The following METRNL variants were observed in gnomAD, a reference collection of about 807,000 sequenced individuals.
METRNL encodes meteorin-like protein.
METRNL carries 9 observed loss-of-function variants against 17.4 expected under a neutral mutation model. The observed-to-expected ratio is 0.52, with a 90% CI of 0.31 to 0.90. The LOEUF is 0.90. Ranked by LOEUF, METRNL falls within the 40% of genes least tolerant of loss-of-function variation. The probability of loss-of-function intolerance (pLI) is 0.05; values close to 1 mark genes in which losing one functional copy is unlikely to be tolerated. For synonymous variants in METRNL, 215 were observed against 199.3 expected (o/e 1.08, Z -0.66); for missense variants, 408 against 430.7 (o/e 0.95, Z 0.47).
chr17:83,091,252 G>A (rs532769927), intron 2 of METRNL, among the ~76,000 whole-genome samples: 32 of 142,168 alleles, frequency 2.3e-4, no homozygotes, highest in South Asian at 2.0e-3. Context: ...GCCTCGAGGC[G>A]CTCAGCAGGC....
Position 83,094,952 on chromosome 17 carries a change from GCA to G in METRNL, c.*380_*381del, listed in dbSNP as rs2038186711. 4.4e-6 allele frequency: 1 copy of G among 228,566 alleles called. No homozygotes were observed. Among genetic ancestry groups the G allele is most frequent in the African/African-American group, 2.3e-5 (1 of 44,370 alleles). 14.2% of individuals were successfully genotyped at this position (228,566 alleles called of 1,614,324 possible). ...GGTTGGGTGAAGCACTGGCCGTTGG[GCA>G]CAGTGGATGTGTGAAAAGGTGCCAT... On this transcript the variant is annotated 3_prime_UTR_variant, in exon 4 of 4. Transcript: ENST00000320095.
chr17:83,083,850 A>G (rs975966705), intron 1 of METRNL, among the ~76,000 whole-genome samples: 7 of 152,228 alleles, frequency 4.6e-5, no homozygotes, highest in Admixed American at 2.6e-4. Context: ...TAAAAATCCT[A>G]AGAATGTGGG....
chr17:83,087,090 G>A (rs879264383), intron 2 of METRNL, among the ~76,000 whole-genome samples: 3 of 152,122 alleles, frequency 2.0e-5, no homozygotes, highest in Non-Finnish European at 4.4e-5. Flanking sequence ...GGCATTCGGC[G>A]GTGGGTCCTC....
intron 1 of METRNL, chr17:83,082,055 G>A (rs2037996018): frequency 1.0e-6 from 1 of 985,020 alleles, no homozygotes; most frequent in African/African-American, 1.7e-5. Context: ...TCTGTTGCTG[G>A]GTGTTTCTTC....
chr17:83,091,713 C>T (rs1036236570), intron 2 of METRNL, among the ~76,000 whole-genome samples: 8 of 152,314 alleles, frequency 5.3e-5, no homozygotes, highest in Admixed American at 2.0e-4. Context: ...CTTCCAGGGC[C>T]GGCGAACCCC....
At chr17:83,082,351 A>G in intron 1 of METRNL, 1 of 661,710 alleles carries the variant, frequency 1.5e-6, no homozygotes, top group Non-Finnish European at 1.9e-6. Flanking sequence ...TGCCTCAACA[A>G]CCCTCCAGTG....
chr17:83,094,426 C>A lies in METRNL; in HGVS notation c.787C>A (p.Arg263=), dbSNP rs775875720. Residue 263 remains arginine, a synonymous_variant, in exon 4 of 4, where the codon CGG becomes AGG. Coordinates refer to ENST00000320095, the MANE Select transcript of METRNL (RefSeq NM_001004431.3). ...CAGGACGCTGCTGGAGTGTGGCGTG[C>A]GGCCGGGGCATGGCGACTTCCTCTT... ...RVRTLLECGV[R]PGHGDFLFTG... is the part of the protein sequence containing the mutation. The A allele has an allele frequency of 6.3e-7, 1 of 1,599,250 alleles. No individual in the cohort carries two copies. The highest frequency in any genetic ancestry group is 8.5e-7 in the Non-Finnish European group (1 of 1,169,756).
At chr17:83,088,764 G>A (rs567688459) in intron 2 of METRNL, among the ~76,000 whole-genome samples, 35 of 152,202 alleles carry the variant, frequency 2.3e-4, no homozygotes, top group Admixed American at 5.9e-4. Context: ...CCAGCTCGGC[G>A]GGCGCAGAGC....
At chr17:83,087,776 C>T (rs1009937465) in intron 2 of METRNL, among the ~76,000 whole-genome samples, 5 of 152,092 alleles carry the variant, frequency 3.3e-5, no homozygotes, top group African/African-American at 9.7e-5. Context: ...CCAGCCCCGC[C>T]GAGCCTGAGG....
chr17:83,092,130 G>T (rs544675605), intron 2 of METRNL, among the ~76,000 whole-genome samples: 3 of 152,208 alleles, frequency 2.0e-5, no homozygotes, highest in Non-Finnish European at 2.9e-5. Context: ...GCCAGGCCCC[G>T]CAGGGTTCAG....
At chr17:83,089,845 C>A (rs7207886) in intron 2 of METRNL, among the ~76,000 whole-genome samples, 1 of 151,920 alleles carries the variant, frequency 6.6e-6, no homozygotes, top group Non-Finnish European at 1.5e-5. Flanking sequence ...GTGCTCCTTA[C>A]GAGCTCAGCT....
intron 1 of METRNL, among the ~76,000 whole-genome samples, chr17:83,083,153 C>A: frequency 6.6e-6 from 1 of 152,240 alleles, no homozygotes; most frequent in East Asian, 1.9e-4. Context: ...TAGGCCAGGA[C>A]GGCCCCCAGG....
intron 2 of METRNL, among the ~76,000 whole-genome samples, chr17:83,087,587 T>C (rs576500192): frequency 6.6e-6 from 1 of 152,320 alleles, no homozygotes; most frequent in South Asian, 2.1e-4. Flanking sequence ...AAGCCTTTAA[T>C]GCTGCAGGAA....
At chr17:83,094,188 G>GA in intron 3 of METRNL, 68 bp from the exon 4 acceptor site, 2 of 1,318,934 alleles carry the variant, frequency 1.5e-6, no homozygotes, top group Non-Finnish European at 2.1e-6. Context: ...GGGGCAGGGG[G>GA]AGGTGCGGTG....
At chr17:83,081,738 G>T (rs2143610109) in intron 1 of METRNL, among the ~76,000 whole-genome samples, 1 of 152,334 alleles carries the variant, frequency 6.6e-6, no homozygotes, top group African/African-American at 2.4e-5. Flanking sequence ...AGCTGTGGGG[G>T]CTGCTGGAGC....
Position 83,085,193 on chromosome 17 carries a change from G to T in METRNL, c.426G>T (p.Gln142His), listed in dbSNP as rs546723443. The T allele has an allele frequency of 6.2e-7, 1 of 1,611,108 alleles. No individual in the cohort carries two copies. Among genetic ancestry groups the T allele is most frequent in the Admixed American group, 1.7e-5 (1 of 59,860 alleles). ...GGGACGGCAGGCCCGGCCGGGTGCA[G>T]TGTTTTGGCCTGGAGCAGGGCGGCC... ...PDGDGRPGRV[Q>H]CFGLEQGGLF... The change falls in exon 2 of 4, where the codon CAG (glutamine) becomes CAT (histidine). Residue 142 changes from glutamine to histidine, a missense_variant. Gln to His is a conservative substitution (Grantham distance 24). Coordinates refer to ENST00000320095, the MANE Select transcript of METRNL (RefSeq NM_001004431.3).
At chr17:83,092,284 C>A (rs2038147608) in intron 2 of METRNL, 1 of 152,324 alleles carries the variant, frequency 6.6e-6, no homozygotes, top group Non-Finnish European at 1.5e-5. Flanking sequence ...GGTGAGGCCC[C>A]ACGCCGGTGG....
chr17:83,084,790 G>C, intron 1 of METRNL, 148 bp from the exon 2 acceptor site: 1 of 986,458 alleles, frequency 1.0e-6, no homozygotes, highest in Non-Finnish European at 1.5e-6. Flanking sequence ...CACGGGCAGG[G>C]GTCCGTGTGG....
rs1399793094 is a variant in METRNL, at chr17:83,079,735, G to C, written c.-81G>C. ...ACCACCCGGACTCGAAGCCCGCCCC[G>C]CCCCCGCCCGGCTCGCCGGCTCCGG... On this transcript the variant is annotated 5_prime_UTR_variant, in exon 1 of 4. Coordinates refer to ENST00000320095, the MANE Select transcript of METRNL (RefSeq NM_001004431.3). The C allele has an allele frequency of 1.6e-6, 1 of 609,910 alleles. No individual in the cohort carries two copies. Among genetic ancestry groups the C allele is most frequent in the African/African-American group, 2.0e-5 (1 of 48,818 alleles). 37.8% of individuals were successfully genotyped at this position (609,910 alleles called of 1,614,324 possible).
Sources: allele counts gnomAD v4.1 joint callset (sites outside exome capture counted in the v4.1 genomes callset), GRCh38; gene constraint gnomAD v4.1.1; transcripts MANE v1.5; gene names NCBI Gene and HGNC (gene_info 2026-07-23, HGNC 2026-07-21).